ADGRL3: variants seen among roughly 807,000 people sequenced by gnomAD.
ADGRL3 encodes adhesion G protein-coupled receptor L3.
A neutral mutation model predicts 153.5 loss-of-function variants in ADGRL3; 62 were observed. That is an observed-to-expected ratio of 0.40 (90% confidence interval 0.33 to 0.50). The LOEUF (loss-of-function observed/expected upper bound fraction) is 0.50, where lower values mean the gene tolerates loss of function less well. ADGRL3 is among the 20% of genes least tolerant of loss of function. The pLI, the probability that ADGRL3 is intolerant of heterozygous loss-of-function variation, is 0.47. For synonymous variants in ADGRL3, 710 were observed against 672.5 expected, an observed-to-expected ratio of 1.06 and a Z score of -0.86; for missense variants, 1,641 against 1,859.4, an observed-to-expected ratio of 0.88 and a Z score of 2.16.
At chr4:61,872,701 T>G (rs2098452846) in intron 9 of ADGRL3, among the ~76,000 whole-genome samples, 1 of 151,762 alleles carries the variant, frequency 6.6e-6, no homozygotes, top group Non-Finnish European at 1.5e-5. Flanking sequence ...TAAAACACTT[T>G]GCCATCCAGA....
intron 5 of ADGRL3, among the ~76,000 whole-genome samples, chr4:61,641,020 T>A (rs536383758): frequency 3.5e-4 from 54 of 152,300 alleles, no homozygotes; most frequent in African/African-American, 1.3e-3. Flanking sequence ...AGTTTATATT[T>A]CCTAAGTAAT....
intron 8 of ADGRL3, among the ~76,000 whole-genome samples, chr4:61,812,429 C>A (rs1383347277): frequency 1.3e-5 from 2 of 152,184 alleles, no homozygotes; most frequent in African/African-American, 2.4e-5. Context: ...TCGAATATTA[C>A]TTGAAATGGG....
intron 2 of ADGRL3, among the ~76,000 whole-genome samples, chr4:61,487,902 T>C (rs993357031): frequency 6.6e-6 from 1 of 152,040 alleles, no homozygotes; most frequent in Non-Finnish European, 1.5e-5. Flanking sequence ...TTTAACATAA[T>C]TATTTATTTA....
chr4:61,315,959 A>G (rs914539367), intron 1 of ADGRL3, among the ~76,000 whole-genome samples: 6 of 152,164 alleles, frequency 3.9e-5, no homozygotes, highest in Non-Finnish European at 7.3e-5. Context: ...AGCACCTACT[A>G]TGTCCCAAGA....
At position 61,546,133 on chromosome 4, in the gene ADGRL3, C is replaced by T. The variant is rs552008620; in HGVS notation, c.259+28615C>T. Among the ~76,000 whole-genome samples the T allele has an allele frequency of 1.1e-4, 17 of 152,278 alleles. No individual in the cohort carries two copies. In the South Asian group the frequency reaches 3.5e-3, roughly 32 times the overall value. On this transcript the variant is annotated intron_variant, in intron 4 of 26. Transcript: ENST00000683033. ...CCCACTTGAAATTAATTCTCCAGAG[C>T]ACTGAGAGGGAACATTTTAAGACAC...
intron 2 of ADGRL3, among the ~76,000 whole-genome samples, chr4:61,405,424 T>C (rs1379602360): frequency 6.6e-6 from 1 of 152,004 alleles, no homozygotes; most frequent in African/African-American, 2.4e-5. Context: ...CTAGTTTACA[T>C]GCATATCTAT....
intron 1 of ADGRL3, among the ~76,000 whole-genome samples, chr4:61,346,308 T>TACACACACACACACACACACAC (rs10693257): frequency 6.9e-6 from 1 of 144,546 alleles, no homozygotes; most frequent in African/African-American, 2.6e-5. Flanking sequence ...TGTCACAGTC[T>TACACACACACACACACACACAC]ACACACACAC....
intron 3 of ADGRL3, among the ~76,000 whole-genome samples, chr4:61,498,966 G>T (rs939309041): frequency 6.6e-6 from 1 of 152,022 alleles, no homozygotes; most frequent in Admixed American, 6.5e-5. Context: ...TTATAGCAAA[G>T]AAAAAAGGAC....
In ADGRL3 at chr4:61,802,385, T is replaced by C. The variant is rs537338967; in HGVS notation, c.1400-11424T>C. ...TGCTTCAGAACTAAAAAGTTCATGT[T>C]CCACTATAAAGGCTATGTCTCACAC... On this transcript the variant is annotated intron_variant, in intron 8 of 26. Coordinates refer to ENST00000683033, the MANE Select transcript of ADGRL3 (RefSeq NM_001387552.1). 6.6e-5 allele frequency among the ~76,000 whole-genome samples: 10 copies of C among 152,238 alleles called. 1 individual carries two copies. The East Asian group carries it at 1.9e-3, about 29-fold the overall frequency.
chr4:61,422,623 G>A (rs1175833568), intron 2 of ADGRL3, among the ~76,000 whole-genome samples: 2 of 152,056 alleles, frequency 1.3e-5, no homozygotes, highest in African/African-American at 4.8e-5. Context: ...ATAAGCATTT[G>A]AGACTAATGT....
chr4:61,757,359 G>A (rs978999340), intron 8 of ADGRL3, among the ~76,000 whole-genome samples: 4 of 152,158 alleles, frequency 2.6e-5, no homozygotes, highest in African/African-American at 9.7e-5. Flanking sequence ...GAGGGTGTAT[G>A]TGTTGAGGAA....
intron 8 of ADGRL3, among the ~76,000 whole-genome samples, chr4:61,755,305 A>G (rs75687614): frequency 0.49 from 72,449 of 148,248 alleles, 18,145 homozygotes; most frequent in East Asian, 0.71. Context: ...TTTAATGATC[A>G]CCATTCTAAC....
chr4:61,775,868 G>T, intron 8 of ADGRL3: 1 of 449,712 alleles, frequency 2.2e-6, no homozygotes, highest in African/African-American at 2.0e-5. Context: ...GGTTACCGGT[G>T]AAGACGAATC....
Position 61,733,507 on chromosome 4 carries a change from A to G in ADGRL3, c.1352A>G (p.His451Arg). 6.2e-7 allele frequency: 1 copy of G among 1,613,610 alleles called. No individual in the cohort carries two copies. Among genetic ancestry groups the G allele is most frequent in the Non-Finnish European group, 8.5e-7 (1 of 1,179,748 alleles). Residue 451 changes from histidine to arginine, a missense_variant, in exon 8 of 27, where the codon CAC becomes CGC. Coordinates refer to ENST00000683033, the MANE Select transcript of ADGRL3 (RefSeq NM_001387552.1). ...DNLLYVWNNY[H>R]VVKYSLDFGP... ...CTACTTTATGTATGGAATAACTATC[A>G]CGTCGTGAAATATTCTTTGGATTTT...
At chr4:61,458,098 G>T (rs1437996171) in intron 2 of ADGRL3, among the ~76,000 whole-genome samples, 1 of 151,694 alleles carries the variant, frequency 6.6e-6, no homozygotes, top group Non-Finnish European at 1.5e-5. Context: ...AAAATAGATT[G>T]TATATAAAAG....
chr4:61,643,644 T>C (rs2093804369), intron 5 of ADGRL3, among the ~76,000 whole-genome samples: 4 of 143,324 alleles, frequency 2.8e-5, no homozygotes, highest in African/African-American at 1.0e-4. Context: ...GAAGCCCACT[T>C]GATCATGGTG....
At chr4:61,743,324 C>CAAAAAAAAAAAAAAAAAAAAA (rs752363213) in intron 8 of ADGRL3, among the ~76,000 whole-genome samples, 1 of 50,854 alleles carries the variant, frequency 2.0e-5, no homozygotes. Flanking sequence ...GACTCCATCT[C>CAAAAAAAAAAAAAAAAAAAAA]AAAAAAAAAA....
intron 8 of ADGRL3, among the ~76,000 whole-genome samples, chr4:61,747,079 C>T (rs76196713): frequency 0.087 from 13,202 of 152,152 alleles, 1,215 homozygotes; most frequent in African/African-American, 0.23. Flanking sequence ...ACTGCAAACA[C>T]CTCTATGCAA....
At chr4:62,025,765 G>A (rs1442394857) in intron 21 of ADGRL3, among the ~76,000 whole-genome samples, 7 of 152,038 alleles carry the variant, frequency 4.6e-5, no homozygotes, top group African/African-American at 1.7e-4. Flanking sequence ...GAACATATTA[G>A]GCCTTTGCAT....
Sources: gnomAD v4.1 joint callset for allele counts (sites outside exome capture counted in the v4.1 genomes callset) on GRCh38, gnomAD v4.1.1 for gene constraint, MANE v1.5 for transcripts, NCBI Gene and HGNC (gene_info 2026-07-23, HGNC 2026-07-21) for gene names.